Variants in ARHGEF28 observed in about 807,000 individuals in gnomAD.
The protein encoded by ARHGEF28 is Rho guanine nucleotide exchange factor 28.
Under a neutral mutation model 206.6 loss-of-function variants are expected in ARHGEF28, and 152 were observed. That is an observed-to-expected ratio of 0.74 (90% CI 0.64 to 0.84). The LOEUF (loss-of-function observed/expected upper bound fraction) is 0.84, where lower values mean the gene tolerates loss of function less well. Ranked by LOEUF, ARHGEF28 falls within the 40% of genes least tolerant of loss-of-function variation. ARHGEF28 has a pLI of 0.00. For missense variants in ARHGEF28, 2,028 were observed against 2,073.2 expected (o/e 0.98, Z 0.42); for synonymous variants, 763 against 776.4 (o/e 0.98, Z 0.29).
intron 10 of ARHGEF28, among the ~76,000 whole-genome samples, chr5:73,833,664 A>G (rs554911296): frequency 1.3e-5 from 2 of 152,284 alleles, no homozygotes; most frequent in East Asian, 1.9e-4. Flanking sequence ...CCACACTGCT[A>G]TGAAGAAATA....
At chr5:73,871,948 T>C (rs1043396958) in intron 21 of ARHGEF28, among the ~76,000 whole-genome samples, 34 of 152,254 alleles carry the variant, frequency 2.2e-4, no homozygotes, top group African/African-American at 8.2e-4. Context: ...TTCCTTTTTA[T>C]GGATGATGAA....
At chr5:73,820,709 GCACT>G (rs1756528830) in intron 9 of ARHGEF28, among the ~76,000 whole-genome samples, 1 of 152,202 alleles carries the variant, frequency 6.6e-6, no homozygotes, top group East Asian at 1.9e-4. Context: ...CTCTTCCTTC[GCACT>G]ATGGTGGGCT....
At chr5:73,885,810 G>T in intron 24 of ARHGEF28, 40 bp from the exon 25 acceptor site, 1 of 1,570,066 alleles carries the variant, frequency 6.4e-7, no homozygotes, top group Non-Finnish European at 8.6e-7. Context: ...CTGGTTTATT[G>T]TATAGTATTT....
intron 5 of ARHGEF28, among the ~76,000 whole-genome samples, chr5:73,776,108 T>C (rs1014195270): frequency 6.6e-6 from 1 of 152,222 alleles, no homozygotes; most frequent in African/African-American, 2.4e-5. Context: ...GGAGATCATA[T>C]CTGTTTTCCA....
chr5:73,736,852 A>T (rs1303952583), intron 2 of ARHGEF28, among the ~76,000 whole-genome samples: 3 of 138,146 alleles, frequency 2.2e-5, no homozygotes, highest in African/African-American at 5.2e-5. Context: ...GAGGGGAGGG[A>T]GGGAGGGAGG....
In ARHGEF28 at chr5:73,678,731, G is replaced by A. The variant is rs558405918; in HGVS notation, c.-11-6110G>A. ...AAAAATACTGTGAAAAATACTTATA[G>A]CTTGACAACTAGGGAAAAAGGCTCA... On this transcript the variant is annotated intron_variant, in intron 1 of 35. Transcript: ENST00000513042. Among the ~76,000 whole-genome samples the A allele has an allele frequency of 2.0e-5, 3 of 151,976 alleles. No individual in the cohort carries two copies. The South Asian group carries it at 6.2e-4, about 32-fold the overall frequency.
At chr5:73,696,987 G>A (rs191983831) in intron 2 of ARHGEF28, among the ~76,000 whole-genome samples, 2 of 152,202 alleles carry the variant, frequency 1.3e-5, no homozygotes, top group African/African-American at 2.4e-5. Context: ...CAGCAGGAAG[G>A]TGCTGTCATC....
At position 73,904,752 on chromosome 5, in the gene ARHGEF28, G is replaced by C. The variant is rs1762457166; in HGVS notation, c.4161+347G>C. The C allele has an allele frequency of 1.2e-5, 3 of 256,630 alleles. No homozygotes were observed. The Admixed American group carries it at 1.5e-4, about 13-fold the overall frequency. The allele number at this position is 256,630 out of a possible 1,614,324, so 15.9% of individuals were successfully genotyped here. On this transcript the variant is annotated intron_variant, in intron 33 of 35. Transcript: ENST00000513042. ...CCTAAATTCACACCTAAAATTCTTTGACTTCTCCATGTGGCCATCAGCCTT... is the reference window on the plus strand; with the variant it reads ...CCTAAATTCACACCTAAAATTCTTTCACTTCTCCATGTGGCCATCAGCCTT...
intron 2 of ARHGEF28, among the ~76,000 whole-genome samples, chr5:73,723,465 C>T (rs570086243): frequency 1.1e-4 from 17 of 152,276 alleles, no homozygotes; most frequent in Middle Eastern, 3.4e-3. Context: ...GGATTACAGG[C>T]GTGAGCCACC....
At chr5:73,813,661 A>G (rs1449791767) in intron 9 of ARHGEF28, 2 of 1,535,798 alleles carry the variant, frequency 1.3e-6, no homozygotes, top group Admixed American at 3.9e-5. Flanking sequence ...TCGAAGAAGG[A>G]CGTCCAAACA....
intron 29 of ARHGEF28, among the ~76,000 whole-genome samples, chr5:73,895,047 G>A (rs749625411): frequency 1.1e-4 from 17 of 152,178 alleles, no homozygotes; most frequent in Non-Finnish European, 2.2e-4. Flanking sequence ...TGCAGGCGAT[G>A]AGTCCAGGGT....
chr5:73,771,096 A>G lies in ARHGEF28; in HGVS notation c.476-2759A>G, dbSNP rs184067306. ...AGAAAGTGTTACTTAAATTGATACC[A>G]TGCTTTCCTTTACCAATGGTATAAT... is the stretch of plus-strand genomic sequence containing the variant. On this transcript the variant is annotated intron_variant, in intron 4 of 35. Coordinates refer to ENST00000513042, the MANE Select transcript of ARHGEF28 (RefSeq NM_001177693.2). Among the ~76,000 whole-genome samples the G allele has an allele frequency of 5.2e-3, 795 of 152,338 alleles. 7 individuals are homozygous for G. The highest frequency in any genetic ancestry group is 0.018 in the African/African-American group (763 of 41,576).
chr5:73,936,943 A>G (rs745361284), intron 35 of ARHGEF28, among the ~76,000 whole-genome samples: 3 of 152,152 alleles, frequency 2.0e-5, no homozygotes, highest in Non-Finnish European at 4.4e-5. Context: ...AAAATAGCCA[A>G]CTAGTCAGTT....
chr5:73,797,784 G>A (rs1754907148), intron 9 of ARHGEF28, among the ~76,000 whole-genome samples: 2 of 152,206 alleles, frequency 1.3e-5, no homozygotes, highest in South Asian at 4.1e-4. Context: ...AAATAGATAT[G>A]TAAGTCTTTG....
At chr5:73,838,416 T>G (rs910190920) in intron 10 of ARHGEF28, among the ~76,000 whole-genome samples, 5 of 152,258 alleles carry the variant, frequency 3.3e-5, no homozygotes, top group Non-Finnish European at 7.3e-5. Context: ...AAAACATTAC[T>G]AGCTTATATT....
At position 73,657,369 on chromosome 5, in the gene ARHGEF28, C is replaced by T. The variant is rs572032519; in HGVS notation, c.-11-27472C>T. On this transcript the variant is annotated intron_variant, in intron 1 of 35. Coordinates refer to ENST00000513042, the MANE Select transcript of ARHGEF28 (RefSeq NM_001177693.2). ...TTAACTTGTCCAGTGAAATTTCATA[C>T]ACGATACTTTTATTTTTAGGAGTTC... 3.3e-5 allele frequency among the ~76,000 whole-genome samples: 5 copies of T among 152,266 alleles called. No homozygotes were observed. The East Asian group carries it at 9.7e-4, about 29-fold the overall frequency.
At chr5:73,762,529 T>C (rs1752663816) in intron 4 of ARHGEF28, among the ~76,000 whole-genome samples, 1 of 152,028 alleles carries the variant, frequency 6.6e-6, no homozygotes, top group Non-Finnish European at 1.5e-5. Context: ...TATAAATTTT[T>C]CTTCACTACT....
At chr5:73,824,050 A>G (rs1317654715) in intron 9 of ARHGEF28, among the ~76,000 whole-genome samples, 4 of 152,246 alleles carry the variant, frequency 2.6e-5, no homozygotes, top group African/African-American at 7.2e-5. Flanking sequence ...TGACTGTGAT[A>G]GCAGTTCATA....
chr5:73,662,776 C>T (rs1313407998), intron 1 of ARHGEF28, among the ~76,000 whole-genome samples: 2 of 152,080 alleles, frequency 1.3e-5, no homozygotes, highest in African/African-American at 4.8e-5. Flanking sequence ...TAGGGGATTA[C>T]ACTAAGGATT....
Sources: allele counts gnomAD v4.1 joint callset (sites outside exome capture counted in the v4.1 genomes callset), GRCh38; gene constraint gnomAD v4.1.1; transcripts MANE v1.5; gene names NCBI Gene and HGNC (gene_info 2026-07-23, HGNC 2026-07-21).